The following GUCY2C variants were observed in gnomAD, a reference collection of about 807,000 sequenced individuals.
GUCY2C encodes the protein guanylyl cyclase C.
A neutral mutation model predicts 131.1 loss-of-function variants in GUCY2C; 118 were observed. The observed-to-expected ratio is 0.90, with a 90% confidence interval of 0.78 to 1.05. The LOEUF (loss-of-function observed/expected upper bound fraction) is 1.05, where lower values mean the gene tolerates loss of function less well. GUCY2C is among the 50% of genes least tolerant of loss of function. GUCY2C has a pLI of 0.00. For synonymous variants in GUCY2C, 452 were observed against 457.8 expected (o/e 0.99, Z 0.16); for missense variants, 1,161 against 1,304.4 (o/e 0.89, Z 1.69).
chr12:14,684,605 C>T (rs1349254408), intron 3 of GUCY2C, among the ~76,000 whole-genome samples: 183 of 8,650 alleles, frequency 0.021, 4 homozygotes, highest in African/African-American at 0.069. Context: ...TCCTTCCTTC[C>T]TTCCTTCCTT....
At chr12:14,690,401 A>G (rs1565638134) in intron 1 of GUCY2C, among the ~76,000 whole-genome samples, 1 of 152,328 alleles carries the variant, frequency 6.6e-6, no homozygotes, top group East Asian at 1.9e-4. Flanking sequence ...TGCTGGCGAT[A>G]TCCCTGGGGA....
At chr12:14,647,445 A>G (rs1324179398) in intron 15 of GUCY2C, among the ~76,000 whole-genome samples, 1 of 152,196 alleles carries the variant, frequency 6.6e-6, no homozygotes, top group African/African-American at 2.4e-5. Flanking sequence ...TTGTCGGTAT[A>G]GGGTGTCGGT....
chr12:14,675,207 C>CAAAAAAAAAAAAAAAAAAAAA (rs35870014), intron 7 of GUCY2C, among the ~76,000 whole-genome samples: 1 of 34,786 alleles, frequency 2.9e-5, no homozygotes, highest in African/African-American at 1.2e-4. Context: ...AACTCCATCT[C>CAAAAAAAAAAAAAAAAAAAAA]AAAAAAAAAA....
intron 10 of GUCY2C, among the ~76,000 whole-genome samples, chr12:14,664,526 G>A (rs538305476): frequency 2.6e-5 from 4 of 151,964 alleles, no homozygotes; most frequent in African/African-American, 9.6e-5. Context: ...CTATTTAAAT[G>A]TAGTCATTTT....
Position 14,622,017 on chromosome 12 carries a change from A to G in GUCY2C, c.2589T>C (p.His863=), listed in dbSNP as rs1295896890. The change falls in exon 22 of 27, where the codon CAT becomes CAC. Residue 863 remains histidine, a synonymous_variant. Coordinates refer to ENST00000261170, the MANE Select transcript of GUCY2C (RefSeq NM_004963.4). ...YKSFDHIVDH[H]DVYKVETIGD... is the part of the protein sequence containing the mutation. Reference sequence around the variant, plus strand: ...GTGATGTGGTTACCTTGTAGACATCATGATGATCAACAATGTGGTCAAAAC... The same window carrying G: ...GTGATGTGGTTACCTTGTAGACATCGTGATGATCAACAATGTGGTCAAAAC... 1 of 1,602,098 alleles carries G rather than the reference A, an allele frequency of 6.2e-7. No homozygotes were observed. Among genetic ancestry groups the G allele is most frequent in the Admixed American group, 1.7e-5 (1 of 57,242 alleles).
In GUCY2C at chr12:14,641,182, G is replaced by C; in HGVS notation, c.1968C>G (p.Asn656Lys). The C allele has an allele frequency of 6.2e-7, 1 of 1,613,672 alleles. No homozygotes were observed. Among genetic ancestry groups the C allele is most frequent in the Non-Finnish European group, 8.5e-7 (1 of 1,179,882 alleles). The change falls in exon 18 of 27, where the codon AAC (asparagine) becomes AAG (lysine). Residue 656 changes from asparagine to lysine, a missense_variant. Coordinates refer to ENST00000261170, the MANE Select transcript of GUCY2C (RefSeq NM_004963.4). ...TGTACACATCTCCTTTCTGAGAGAT[G>C]TTGGCTTGGCGGAGGTGCTCTGGAG... ...WTAPEHLRQA[N>K]ISQKGDVYSY... is the part of the protein sequence containing the mutation.
At chr12:14,679,881 T>TTA (rs1948312329) in intron 5 of GUCY2C, 128 bp from the exon 6 acceptor site, 1 of 526,338 alleles carries the variant, frequency 1.9e-6, no homozygotes, top group Admixed American at 4.1e-5. Context: ...CTCCAATTCC[T>TTA]TAAATTCCTC....
intron 21 of GUCY2C, among the ~76,000 whole-genome samples, chr12:14,623,931 T>C (rs1946949656): frequency 6.6e-6 from 1 of 152,154 alleles, no homozygotes; most frequent in African/African-American, 2.4e-5. Context: ...AAACCTCCTT[T>C]CCTCATAAAT....
chr12:14,627,139 A>T (rs1240889956), intron 20 of GUCY2C, among the ~76,000 whole-genome samples: 2 of 152,174 alleles, frequency 1.3e-5, no homozygotes, highest in Non-Finnish European at 2.9e-5. Flanking sequence ...CATTGTGAGG[A>T]TCAGAGATAA....
At chr12:14,689,664 T>C (rs1421041236) in intron 1 of GUCY2C, among the ~76,000 whole-genome samples, 1 of 152,162 alleles carries the variant, frequency 6.6e-6, no homozygotes, top group Non-Finnish European at 1.5e-5. Context: ...CCCAAACCAA[T>C]TGTACATTTT....
intron 18 of GUCY2C, among the ~76,000 whole-genome samples, chr12:14,640,861 C>T (rs189369931): frequency 2.6e-5 from 4 of 152,268 alleles, no homozygotes; most frequent in Admixed American, 6.5e-5. Flanking sequence ...ATGATACTGA[C>T]AATAATAACA....
intron 25 of GUCY2C, 77 bp from the exon 26 acceptor site, chr12:14,615,020 C>T: frequency 1.4e-6 from 1 of 691,820 alleles, no homozygotes; most frequent in South Asian, 2.0e-5. Flanking sequence ...CCATAATGAT[C>T]TGTTTCTGTG....
chr12:14,656,700 C>A, intron 11 of GUCY2C, 83 bp from the exon 12 acceptor site: 1 of 699,552 alleles, frequency 1.4e-6, no homozygotes, highest in Admixed American at 2.0e-5. Flanking sequence ...AAGTTTAGAA[C>A]CCTGGTATGC....
rs529512199 is a variant in GUCY2C, at chr12:14,651,829, A to G, written c.1605+130T>C. On this transcript the variant is annotated intron_variant, in intron 14 of 26. Coordinates refer to ENST00000261170, the MANE Select transcript of GUCY2C (RefSeq NM_004963.4). ...CCAATATCTCTTGGTAGAATTTTCA[A>G]CAAGAAATATAGTCACCATTTCTTG... 8.3e-4 allele frequency: 497 copies of G among 598,718 alleles called. 8 individuals carry two copies. The South Asian group carries it at 0.011, about 14-fold the overall frequency. 37.1% of individuals were successfully genotyped at this position (598,718 alleles called of 1,614,324 possible). A position where few individuals can be genotyped will look rare whatever the true frequency, so the allele number is the denominator to read the frequency against.
chr12:14,670,324 T>C (rs371001831), intron 9 of GUCY2C, among the ~76,000 whole-genome samples: 1 of 152,236 alleles, frequency 6.6e-6, no homozygotes, highest in African/African-American at 2.4e-5. Flanking sequence ...ATTTCTTAAC[T>C]TCTATCCATT....
intron 20 of GUCY2C, among the ~76,000 whole-genome samples, chr12:14,626,979 T>C (rs1321738277): frequency 6.6e-6 from 1 of 152,178 alleles, no homozygotes; most frequent in Non-Finnish European, 1.5e-5. Context: ...AGCCTTAAAT[T>C]ATCTCCTCAT....
chr12:14,626,495 C>T (rs1565607413), intron 20 of GUCY2C, among the ~76,000 whole-genome samples: 1 of 152,132 alleles, frequency 6.6e-6, no homozygotes, highest in Non-Finnish European at 1.5e-5. Context: ...TTTAAGAATG[C>T]ATATACCAAT....
In GUCY2C at chr12:14,668,983, C is replaced by T. The variant is rs566626954; in HGVS notation, c.1282+739G>A. Among the ~76,000 whole-genome samples the T allele has an allele frequency of 3.9e-5, 6 of 152,176 alleles. No individual in the cohort carries two copies. In the South Asian group the frequency reaches 6.2e-4, roughly 16 times the overall value. On this transcript the variant is annotated intron_variant, in intron 10 of 26. Transcript: ENST00000261170. The stretch of plus-strand genomic sequence containing the variant: ...TGTAAAGGCCAGGATCACTGGTCAC[C>T]CCTCAGCCTGATATGTCAAGTATTT...
Position 14,672,857 on chromosome 12 carries a change from A to G in GUCY2C, c.1170+16T>C, listed in dbSNP as rs776294687. On this transcript the variant is annotated intron_variant, in intron 9 of 26. Transcript: ENST00000261170. ...GTCACAGCACCCTGAATTTTCTGAT[A>G]AGCAGTGAGACATACTTTCTTGGTG... 14 of 1,465,986 alleles carry G rather than the reference A, an allele frequency of 9.5e-6. 2 individuals are homozygous for G. In the South Asian group the frequency reaches 1.4e-4, roughly 14 times the overall value. 90.8% of individuals were successfully genotyped at this position (1,465,986 alleles called of 1,614,324 possible). A position where few individuals can be genotyped will look rare whatever the true frequency, so the allele number is the denominator to read the frequency against.
Sources: allele counts gnomAD v4.1 joint callset (sites outside exome capture counted in the v4.1 genomes callset), GRCh38; gene constraint gnomAD v4.1.1; transcripts MANE v1.5; gene names NCBI Gene and HGNC (gene_info 2026-07-23, HGNC 2026-07-21).